CPXM2: variants seen among roughly 807,000 people sequenced by gnomAD.
CPXM2 encodes the protein carboxypeptidase X, M14 family member 2.
CPXM2 carries 66 observed loss-of-function variants against 86.1 expected under a neutral mutation model. That is an observed-to-expected ratio of 0.77 (90% CI 0.63 to 0.94). The LOEUF is 0.94. Among genes scored for constraint, CPXM2 ranks in the 40% least tolerant of loss-of-function variants. The pLI is 0.00. For missense variants in CPXM2, 948 were observed against 1,026.3 expected, an observed-to-expected ratio of 0.92 and a Z score of 1.04; for synonymous variants, 388 against 400.2, an observed-to-expected ratio of 0.97 and a Z score of 0.36.
intron 7 of CPXM2, among the ~76,000 whole-genome samples, chr10:123,773,858 G>A (rs968032854): frequency 6.6e-6 from 1 of 152,184 alleles, no homozygotes; most frequent in African/African-American, 2.4e-5. Flanking sequence ...GAGACCAGGG[G>A]CCAAAGGAGG....
In CPXM2 at chr10:123,746,952, C is replaced by T; in HGVS notation, c.2083G>A (p.Gly695Ser). The T allele has an allele frequency of 6.2e-7, 1 of 1,614,208 alleles. No homozygotes were observed. Among genetic ancestry groups the T allele is most frequent in the Non-Finnish European group, 8.5e-7 (1 of 1,180,038 alleles). The change falls in exon 14 of 14, where the codon GGT becomes AGT. Residue 695 changes from glycine (G) to serine (S), a missense_variant. Coordinates refer to ENST00000241305, the MANE Select transcript of CPXM2 (RefSeq NM_198148.3). ...CAGTTCTTGGTGGATGCAGTGAAAC[C>T]TTCGGCCTTTGCTGTGACCACATAC... Reference protein sequence around the residue: ...GEYVVTAKAEGFTASTKNCMV... With the variant: ...GEYVVTAKAESFTASTKNCMV...
chr10:123,836,887 C>CCA (rs1423929710), intron 4 of CPXM2, among the ~76,000 whole-genome samples: 1 of 151,642 alleles, frequency 6.6e-6, no homozygotes, highest in Non-Finnish European at 1.5e-5. Flanking sequence ...GGATCTTCCC[C>CCA]CCAGGTGAGG....
intron 4 of CPXM2, among the ~76,000 whole-genome samples, chr10:123,810,477 T>A (rs1248141507): frequency 1.3e-5 from 2 of 152,098 alleles, no homozygotes; most frequent in Non-Finnish European, 2.9e-5. Flanking sequence ...TTTATCAAAC[T>A]ATGTAATTAT....
At chr10:123,820,505 G>T (rs74854642) in intron 4 of CPXM2, among the ~76,000 whole-genome samples, 4 of 152,126 alleles carry the variant, frequency 2.6e-5, no homozygotes, top group Admixed American at 2.0e-4. Context: ...GCCTATGAAG[G>T]CCTCTGAGAG....
chr10:123,827,981 T>C (rs770617392), intron 4 of CPXM2, among the ~76,000 whole-genome samples: 5 of 152,014 alleles, frequency 3.3e-5, no homozygotes, highest in Non-Finnish European at 7.4e-5. Flanking sequence ...CAGGGTAATA[T>C]AGTGAGACCC....
chr10:123,936,881 T>C (rs1247539008), intron 2 of CPXM2, among the ~76,000 whole-genome samples: 1 of 152,068 alleles, frequency 6.6e-6, no homozygotes, highest in Non-Finnish European at 1.5e-5. Context: ...TTGACTTTTT[T>C]CTCCATCATT....
chr10:123,822,654 G>GA (rs888039572), intron 4 of CPXM2, among the ~76,000 whole-genome samples: 8 of 151,192 alleles, frequency 5.3e-5, no homozygotes, highest in Non-Finnish European at 5.9e-5. Flanking sequence ...TTTTAAGCCA[G>GA]AAAAAAATTT....
intron 1 of CPXM2, among the ~76,000 whole-genome samples, chr10:123,888,137 C>G (rs1945209976): frequency 6.6e-6 from 1 of 152,172 alleles, no homozygotes; most frequent in South Asian, 2.1e-4. Context: ...GCCCTTGGCT[C>G]CTTGCATAAA....
intron 4 of CPXM2, among the ~76,000 whole-genome samples, chr10:123,825,799 C>T (rs1848033117): frequency 6.6e-6 from 1 of 152,092 alleles, no homozygotes; most frequent in Non-Finnish European, 1.5e-5. Context: ...ATCTGGTTCC[C>T]AGTTGCTTGG....
intron 4 of CPXM2, among the ~76,000 whole-genome samples, chr10:123,832,957 GAC>G (rs1235913503): frequency 2.0e-5 from 3 of 152,158 alleles, no homozygotes; most frequent in Non-Finnish European, 1.5e-5. Context: ...ATGGGAGGAG[GAC>G]ACAGAGTTCA....
At chr10:123,786,409 G>A (rs1409878840) in intron 6 of CPXM2, among the ~76,000 whole-genome samples, 1 of 152,184 alleles carries the variant, frequency 6.6e-6, no homozygotes, top group Admixed American at 6.5e-5. Flanking sequence ...GCTTCCAGCT[G>A]CCTTCCCTGA....
At position 123,802,957 on chromosome 10, in the gene CPXM2, G is replaced by A. The variant is rs115703634; in HGVS notation, c.654-3758C>T. 6.8e-3 allele frequency among the ~76,000 whole-genome samples: 1,029 copies of A among 151,832 alleles called. 18 individuals carry two copies. The highest frequency in any genetic ancestry group is 0.024 in the African/African-American group (982 of 41,386). ...TGGGTATTTGAACACCATCTTTTGA[G>A]AAGTGCCTACTCAAGTTTTCCCCCT... is the stretch of plus-strand genomic sequence containing the variant. On this transcript the variant is annotated intron_variant, in intron 4 of 13. Transcript: ENST00000241305.
At chr10:123,936,601 C>T (rs758857516) in intron 2 of CPXM2, among the ~76,000 whole-genome samples, 54 of 152,200 alleles carry the variant, frequency 3.5e-4, no homozygotes, top group Non-Finnish European at 7.6e-4. Context: ...AGAAGCCTTG[C>T]AAAGGAATGA....
intron 2 of CPXM2, among the ~76,000 whole-genome samples, chr10:123,874,701 G>A (rs895405030): frequency 6.6e-6 from 1 of 152,186 alleles, no homozygotes; most frequent in African/African-American, 2.4e-5. Context: ...ATGGAAACAG[G>A]ATAGATCACA....
At chr10:123,858,179 A>G (rs936037694) in intron 3 of CPXM2, among the ~76,000 whole-genome samples, 2 of 152,228 alleles carry the variant, frequency 1.3e-5, no homozygotes, top group Non-Finnish European at 2.9e-5. Flanking sequence ...TATGCACTAG[A>G]AAAACACATG....
intron 4 of CPXM2, among the ~76,000 whole-genome samples, chr10:123,811,855 C>T (rs1321408026): frequency 2.0e-5 from 3 of 152,242 alleles, no homozygotes; most frequent in South Asian, 4.1e-4. Context: ...TTAGTGGTTA[C>T]GGAAATGCAA....
intron 4 of CPXM2, among the ~76,000 whole-genome samples, chr10:123,827,712 T>C (rs948756582): frequency 6.6e-6 from 1 of 152,172 alleles, no homozygotes; most frequent in African/African-American, 2.4e-5. Context: ...ATAAACAAGA[T>C]TATTTTAAAA....
chr10:123,826,637 T>C (rs1222890378), intron 4 of CPXM2, among the ~76,000 whole-genome samples: 3 of 152,104 alleles, frequency 2.0e-5, no homozygotes, highest in Admixed American at 6.6e-5. Flanking sequence ...ATTTTATGAC[T>C]ATAAAATTAG....
At chr10:123,943,558 C>T (rs1459163080), upstream of CPXM2, among the ~76,000 whole-genome samples, 1 of 152,204 alleles carries the variant, frequency 6.6e-6, no homozygotes, top group Non-Finnish European at 1.5e-5. Context: ...TCCCCTTGGG[C>T]CCCACAGGGA....
Sources: gnomAD v4.1 joint callset for allele counts (sites outside exome capture counted in the v4.1 genomes callset) on GRCh38, gnomAD v4.1.1 for gene constraint, MANE v1.5 for transcripts, NCBI Gene and HGNC (gene_info 2026-07-23, HGNC 2026-07-21) for gene names.